Variants in TRMT2B observed in about 807,000 individuals in gnomAD.
The protein encoded by TRMT2B is tRNA (uracil-5-)-methyltransferase homolog B.
A neutral mutation model predicts 39.7 loss-of-function variants in TRMT2B; 34 were observed. The ratio of observed to expected loss-of-function variants is 0.86; its 90% CI spans 0.65 to 1.14. TRMT2B has a LOEUF of 1.14. Ranked by LOEUF, TRMT2B falls within the 50% of genes most tolerant of loss-of-function variation. The pLI, the probability that TRMT2B is intolerant of heterozygous loss-of-function variation, is 0.00. For missense variants in TRMT2B, 318 were observed against 377.2 expected (o/e 0.84, Z 1.30); for synonymous variants, 132 against 137.3 (o/e 0.96, Z 0.27).
intron 8 of TRMT2B, 73 bp downstream of exon 8, chrX:101,023,397 T>C: frequency 9.1e-7 from 1 of 1,103,697 alleles, no homozygotes; most frequent in South Asian, 2.0e-5. Context: ...GCCCTGAAAC[T>C]TCCAAAAAAC....
the TRMT2B span, among the ~76,000 whole-genome samples, chrX:100,984,699 A>G: frequency 8.9e-6 from 1 of 111,981 alleles, no homozygotes; most frequent in Admixed American, 9.5e-5. Context: ...GGAGAGACAA[A>G]GCAAGCACAA....
At chrX:101,011,628 T>C (rs1029520903) in intron 13 of TRMT2B, among the ~76,000 whole-genome samples, 2 of 111,196 alleles carry the variant, frequency 1.8e-5, no homozygotes, top group African/African-American at 6.5e-5. Context: ...GCATGGTGGC[T>C]CATGCCTGAA....
intron 4 of TRMT2B, 127 bp downstream of exon 4, chrX:101,041,190 C>T (rs961860092): frequency 1.3e-4 from 71 of 543,783 alleles, no homozygotes; most frequent in Non-Finnish European, 1.8e-4. Flanking sequence ...GGCGACAGAG[C>T]GAGACTCCAT....
At chrX:101,003,351 T>C in the TRMT2B span, among the ~76,000 whole-genome samples, 2 of 105,510 alleles carry the variant, frequency 1.9e-5, no homozygotes, top group Non-Finnish European at 3.9e-5. Flanking sequence ...CCGATAGCTT[T>C]TTTTTTTTTT....
chrX:101,048,441 CTTT>C (rs753107070), intron 2 of TRMT2B, among the ~76,000 whole-genome samples: 2 of 97,430 alleles, frequency 2.1e-5, no homozygotes, highest in African/African-American at 4.2e-5. Context: ...AAGCCATGTT[CTTT>C]GTTACCAAAA....
intron 13 of TRMT2B, chrX:101,013,700 C>T (rs183182624): frequency 0.01 from 1,022 of 100,417 alleles, 11 homozygotes; most frequent in African/African-American, 0.037. Flanking sequence ...TGTAGTGAGC[C>T]GAGACCATGC....
At chrX:100,979,888 G>A in the TRMT2B span, among the ~76,000 whole-genome samples, 1 of 111,797 alleles carries the variant, frequency 8.9e-6, no homozygotes, top group African/African-American at 3.3e-5. Context: ...AGATCTGAGA[G>A]AATTCCCTGG....
intron 5 of TRMT2B, chrX:101,037,610 AGGTAATAGTG>A (rs2087914161): frequency 1.5e-5 from 3 of 198,353 alleles, no homozygotes; most frequent in Non-Finnish European, 2.7e-5. Flanking sequence ...CTTTCTAAGG[AGGTAATAGTG>A]GAGTGGTTGA....
the TRMT2B span, among the ~76,000 whole-genome samples, chrX:100,993,056 C>T: frequency 8.9e-6 from 1 of 112,011 alleles, no homozygotes; most frequent in Non-Finnish European, 1.9e-5. Flanking sequence ...TCCCAAGCAC[C>T]TTATAGGTCT....
At chrX:101,044,267 A>T (rs1186038490) in intron 2 of TRMT2B, among the ~76,000 whole-genome samples, 1 of 108,595 alleles carries the variant, frequency 9.2e-6, no homozygotes, top group Non-Finnish European at 1.9e-5. Context: ...AAAAAAAAAA[A>T]AGCAAGTTCA....
intron 2 of TRMT2B, among the ~76,000 whole-genome samples, chrX:101,050,186 G>C (rs988545007): frequency 8.9e-6 from 1 of 111,947 alleles, no homozygotes; most frequent in African/African-American, 3.2e-5. Flanking sequence ...GAGGGTCCTT[G>C]TCCATCTAGG....
At position 101,051,425 on chromosome X, in the gene TRMT2B, GCAGT is replaced by G; in HGVS notation, c.-202_-199del. 1.3e-6 allele frequency: 1 copy of G among 754,442 alleles called. No homozygotes were observed. Among genetic ancestry groups the G allele is most frequent in the Non-Finnish European group, 1.6e-6 (1 of 639,452 alleles). The allele number at this position is 754,442 out of a possible 1,213,427, so 62.2% of individuals were successfully genotyped here. On this transcript the variant is annotated 5_prime_UTR_variant, in exon 2 of 14. An upstream open reading frame in the 5' UTR loses its in-frame stop. Coordinates refer to ENST00000372936, the MANE Select transcript of TRMT2B (RefSeq NM_024917.6). Reference sequence around the variant, plus strand: ...GTCGTGTCCCGAATGCAGCCCACAGGCAGTCAGGTCCTTGTCTCCCCAACAAGAC... The same window carrying G: ...GTCGTGTCCCGAATGCAGCCCACAGGCAGGTCCTTGTCTCCCCAACAAGAC...
chrX:100,982,391 C>T, the TRMT2B span, among the ~76,000 whole-genome samples: 3 of 110,489 alleles, frequency 2.7e-5, no homozygotes, highest in African/African-American at 9.9e-5. Context: ...ACGCAGCAGG[C>T]TGAGGTAGGA....
At chrX:100,993,401 A>ATC in the TRMT2B span, among the ~76,000 whole-genome samples, 1 of 112,018 alleles carries the variant, frequency 8.9e-6, no homozygotes, top group African/African-American at 3.2e-5. Context: ...GATGCAACAA[A>ATC]TCTCTCTCCT....
chrX:101,008,494 C>T (rs1370073344), downstream of TRMT2B, among the ~76,000 whole-genome samples: 2 of 110,758 alleles, frequency 1.8e-5, no homozygotes, highest in Admixed American at 9.7e-5. Flanking sequence ...TGGTGGCAGG[C>T]GCCTGTAATC....
chrX:100,988,851 C>CATATATATATATAT, the TRMT2B span, among the ~76,000 whole-genome samples: 23 of 79,676 alleles, frequency 2.9e-4, no homozygotes, highest in African/African-American at 6.9e-4. Flanking sequence ...TAATATATCT[C>CATATATATATATAT]ATATATATAT....
intron 4 of TRMT2B, among the ~76,000 whole-genome samples, chrX:101,039,927 G>A (rs2088120253): frequency 9.2e-6 from 1 of 109,082 alleles, no homozygotes; most frequent in Non-Finnish European, 1.9e-5. Flanking sequence ...AAAGAAACAT[G>A]AATACTACGA....
the TRMT2B span, among the ~76,000 whole-genome samples, chrX:100,976,358 G>C: frequency 9.0e-6 from 1 of 110,985 alleles, no homozygotes; most frequent in African/African-American, 3.3e-5. Context: ...ACACTGCCTA[G>C]AGTCTATTTA....
In TRMT2B at chrX:101,037,924, A is replaced by G. The variant is rs1453550681; in HGVS notation, c.431T>C (p.Ile144Thr). The G allele has an allele frequency of 8.3e-7, 1 of 1,210,352 alleles. No individual in the cohort carries two copies. Among genetic ancestry groups the G allele is most frequent in the South Asian group, 1.8e-5 (1 of 56,918 alleles). Residue 144 changes from isoleucine (I) to threonine (T), a missense_variant, in exon 5 of 14, where the codon ATA (isoleucine) becomes ACA (threonine). Ile to Thr is a moderately conservative substitution (Grantham distance 89, BLOSUM62 -1). Transcript: ENST00000372936. ...ERLSCLLHPI[I>T]PSPVINGYRN... ...AGGGAGGTGGGGGCTTACAGAGGGT[A>G]TAATAGGATGGAGAAGACAAGAGAG...
Sources: gnomAD v4.1 joint callset for allele counts (sites outside exome capture counted in the v4.1 genomes callset) on GRCh38, gnomAD v4.1.1 for gene constraint, MANE v1.5 for transcripts, NCBI Gene and HGNC (gene_info 2026-07-23, HGNC 2026-07-21) for gene names.